The following MAP2K6 variants were observed in gnomAD, a reference collection of about 807,000 sequenced individuals.
MAP2K6 encodes the protein mitogen-activated protein kinase kinase 6.
In MAP2K6, 16 loss-of-function variants were observed where a neutral mutation model predicts 53.7. That is an observed-to-expected ratio of 0.30 (90% confidence interval 0.20 to 0.45). The LOEUF is 0.45. Ranked by LOEUF, MAP2K6 falls within the 20% of genes least tolerant of loss-of-function variation. MAP2K6 has a pLI of 1.00. For synonymous variants in MAP2K6, 132 were observed against 143.1 expected (o/e 0.92, Z 0.55); for missense variants, 204 against 411.9 (o/e 0.50, Z 4.37).
chr17:69,449,573 C>A (rs1231714140), intron 1 of MAP2K6, among the ~76,000 whole-genome samples: 50 of 109,926 alleles, frequency 4.5e-4, no homozygotes, highest in Non-Finnish European at 8.1e-4. Flanking sequence ...TTCTTTCTTT[C>A]TTTCTTTCTT....
intron 1 of MAP2K6, among the ~76,000 whole-genome samples, chr17:69,463,468 G>GTA (rs751347128): frequency 5.4e-5 from 8 of 148,896 alleles, no homozygotes; most frequent in Non-Finnish European, 7.4e-5. Flanking sequence ...ATGTATGTGT[G>GTA]TATATATATA....
chr17:69,463,394 AT>A (rs1907687870), intron 1 of MAP2K6, among the ~76,000 whole-genome samples: 1 of 148,996 alleles, frequency 6.7e-6, no homozygotes, highest in South Asian at 2.1e-4. Context: ...TGTATCTATA[AT>A]TATATGTATA....
At chr17:69,534,276 T>G (rs566022465) in intron 10 of MAP2K6, among the ~76,000 whole-genome samples, 1 of 152,330 alleles carries the variant, frequency 6.6e-6, no homozygotes, top group African/African-American at 2.4e-5. Context: ...ACTCATTCAT[T>G]TCACTCAGCA....
chr17:69,459,020 G>A (rs1318527375), intron 1 of MAP2K6, among the ~76,000 whole-genome samples: 1 of 152,180 alleles, frequency 6.6e-6, no homozygotes, highest in Admixed American at 6.5e-5. Flanking sequence ...GGTGTGCAAA[G>A]TTGAACATGA....
intron 1 of MAP2K6, among the ~76,000 whole-genome samples, chr17:69,480,934 A>AC (rs5821714): frequency 0.52 from 78,105 of 151,454 alleles, 21,381 homozygotes; most frequent in African/African-American, 0.71. Context: ...GTTTAGATGA[A>AC]ATGTGAAATG....
chr17:69,427,900 A>G (rs1906324285), intron 1 of MAP2K6, among the ~76,000 whole-genome samples: 1 of 152,188 alleles, frequency 6.6e-6, no homozygotes, highest in African/African-American at 2.4e-5. Flanking sequence ...ATTTTGATAT[A>G]TTCAGTCTGG....
At chr17:69,534,221 C>G (rs1911238138) in intron 10 of MAP2K6, among the ~76,000 whole-genome samples, 1 of 152,192 alleles carries the variant, frequency 6.6e-6, no homozygotes, top group Non-Finnish European at 1.5e-5. Flanking sequence ...CACGTAGACT[C>G]TCAGCATCTA....
intron 1 of MAP2K6, among the ~76,000 whole-genome samples, chr17:69,462,373 AAC>A (rs1907649758): frequency 6.6e-6 from 1 of 152,006 alleles, no homozygotes; most frequent in Non-Finnish European, 1.5e-5. Context: ...ACGACAAGAG[AAC>A]ACAGTGTGCT....
At chr17:69,423,739 A>G (rs1906172846) in intron 1 of MAP2K6, among the ~76,000 whole-genome samples, 1 of 152,020 alleles carries the variant, frequency 6.6e-6, no homozygotes, top group South Asian at 2.1e-4. Flanking sequence ...TTTTCCCCTT[A>G]GTTGTGTTCT....
intron 1 of MAP2K6, among the ~76,000 whole-genome samples, chr17:69,486,604 G>A (rs1463844329): frequency 6.6e-6 from 1 of 152,046 alleles, no homozygotes; most frequent in African/African-American, 2.4e-5. Flanking sequence ...TATTGAGAGG[G>A]GACACTGCCA....
intron 2 of MAP2K6, among the ~76,000 whole-genome samples, chr17:69,511,182 G>T (rs1392497871): frequency 6.6e-6 from 1 of 152,064 alleles, no homozygotes; most frequent in African/African-American, 2.4e-5. Flanking sequence ...TATTAATAAG[G>T]TATACTGTGA....
Position 69,488,795 on chromosome 17 carries a change from A to G in MAP2K6, c.17-16985A>G, listed in dbSNP as rs565372248. ...AAGGAGGGAGGGGAGAAAGGGTTGC[A>G]TAACTAACTGTTGGATACTGTATTC... On this transcript the variant is annotated intron_variant, in intron 1 of 11. Transcript: ENST00000590474. 2.4e-3 allele frequency among the ~76,000 whole-genome samples: 360 copies of G among 152,328 alleles called. 6 individuals carry two copies. Among genetic ancestry groups the G allele is most frequent in the Non-Finnish European group, 4.1e-3 (278 of 68,036 alleles).
chr17:69,536,195 T>C, intron 11 of MAP2K6, 35 bp downstream of exon 11: 1 of 1,551,676 alleles, frequency 6.4e-7, no homozygotes, highest in Non-Finnish European at 8.8e-7. Context: ...ATGACTATAC[T>C]GATAGCTACA....
At chr17:69,456,901 C>T (rs1300476815) in intron 1 of MAP2K6, among the ~76,000 whole-genome samples, 2 of 152,202 alleles carry the variant, frequency 1.3e-5, no homozygotes, top group Non-Finnish European at 2.9e-5. Flanking sequence ...GTTGTCCCTG[C>T]TGCTTCCTTT....
intron 1 of MAP2K6, among the ~76,000 whole-genome samples, chr17:69,491,112 C>CTTCCTTCT (rs1446650398): frequency 6.7e-6 from 1 of 149,500 alleles, no homozygotes; most frequent in East Asian, 2.0e-4. Context: ...GTCTTTTTTC[C>CTTCCTTCT]TTCCTTCCTT....
intron 10 of MAP2K6, among the ~76,000 whole-genome samples, chr17:69,528,492 T>C (rs1380625572): frequency 6.6e-6 from 1 of 152,162 alleles, no homozygotes; most frequent in Non-Finnish European, 1.5e-5. Flanking sequence ...GACTTGTTTT[T>C]TGTGGATGGT....
intron 7 of MAP2K6, 135 bp from the exon 8 acceptor site, chr17:69,523,379 G>A: frequency 2.0e-6 from 2 of 998,244 alleles, no homozygotes; most frequent in Non-Finnish European, 1.5e-6. Context: ...GTCAGGGATG[G>A]CAGTTACTTC....
chr17:69,501,120 G>C (rs970562068), intron 1 of MAP2K6, among the ~76,000 whole-genome samples: 1 of 152,212 alleles, frequency 6.6e-6, no homozygotes, highest in Non-Finnish European at 1.5e-5. Context: ...TTACTTGGCT[G>C]GAAATCCCAT....
chr17:69,430,197 G>A (rs549582818), intron 1 of MAP2K6, among the ~76,000 whole-genome samples: 5 of 152,166 alleles, frequency 3.3e-5, no homozygotes, highest in East Asian at 3.9e-4. Flanking sequence ...TTAGCCAGGC[G>A]TGGTGGCACA....
Sources: allele counts gnomAD v4.1 joint callset (sites outside exome capture counted in the v4.1 genomes callset), GRCh38; gene constraint gnomAD v4.1.1; transcripts MANE v1.5; gene names NCBI Gene and HGNC (gene_info 2026-07-23, HGNC 2026-07-21).